The following USH2A variants were observed in gnomAD, a reference collection of about 807,000 sequenced individuals.
USH2A encodes the protein usherin.
A neutral mutation model predicts 538.9 loss-of-function variants in USH2A; 443 were observed. The ratio of observed to expected loss-of-function variants is 0.82; its 90% confidence interval spans 0.76 to 0.89. The LOEUF is 0.89. USH2A is among the 40% of genes least tolerant of loss of function. The pLI is 0.00. For synonymous variants in USH2A, 2,413 were observed against 2,273.5 expected (o/e 1.06, Z -1.75); for missense variants, 6,633 against 6,324.8 (o/e 1.05, Z -1.65).
chr1:215,751,439 T>C (rs1442159989), intron 58 of USH2A, among the ~76,000 whole-genome samples: 1 of 152,100 alleles, frequency 6.6e-6, no homozygotes, highest in Non-Finnish European at 1.5e-5. Flanking sequence ...GCATTGTTAA[T>C]TAGAACATGA....
Position 215,683,216 on chromosome 1 carries a change from T to TACACACAC in USH2A, c.12067-2848_12067-2841dup, listed in dbSNP as rs71167830. Among the ~76,000 whole-genome samples, 118 of 149,686 alleles carry TACACACAC rather than the reference T, an allele frequency of 7.9e-4. 1 individual carries two copies. The highest frequency in any genetic ancestry group is 2.8e-3 in the African/African-American group (112 of 40,374). ...ACTTTGTTATTCCTGAATAGTTTTA[T>TACACACAC]ACACACACACACACACACACACACA... On this transcript the variant is annotated intron_variant, in intron 61 of 71. Transcript: ENST00000307340.
chr1:215,991,174 A>C (rs985434622), intron 35 of USH2A, among the ~76,000 whole-genome samples: 1 of 151,910 alleles, frequency 6.6e-6, no homozygotes, highest in East Asian at 1.9e-4. Context: ...GGCCTATTTG[A>C]CTCCACCCAT....
At chr1:215,705,969 C>A (rs1262638074) in intron 61 of USH2A, among the ~76,000 whole-genome samples, 1 of 152,170 alleles carries the variant, frequency 6.6e-6, no homozygotes, top group Non-Finnish European at 1.5e-5. Flanking sequence ...AGGATGATAA[C>A]AATGAGTGCT....
At chr1:215,697,007 C>CAGTG (rs1658834045) in intron 61 of USH2A, among the ~76,000 whole-genome samples, 1 of 151,902 alleles carries the variant, frequency 6.6e-6, no homozygotes, top group Non-Finnish European at 1.5e-5. Context: ...GGCTGGGGTG[C>CAGTG]AGTGGCATGA....
intron 36 of USH2A, among the ~76,000 whole-genome samples, chr1:215,966,194 C>G (rs1003970339): frequency 3.3e-5 from 5 of 152,030 alleles, no homozygotes; most frequent in African/African-American, 1.2e-4. Flanking sequence ...AAATAAAATG[C>G]AATCCCTAGC....
At chr1:216,310,624 G>C (rs2037402848) in intron 9 of USH2A, among the ~76,000 whole-genome samples, 1 of 152,072 alleles carries the variant, frequency 6.6e-6, no homozygotes, top group African/African-American at 2.4e-5. Flanking sequence ...CTGATGGTGA[G>C]AGCTACTAGT....
intron 41 of USH2A, among the ~76,000 whole-genome samples, chr1:215,886,174 C>T (rs1281554453): frequency 2.0e-5 from 3 of 152,142 alleles, no homozygotes; most frequent in Non-Finnish European, 4.4e-5. Flanking sequence ...TGGAACAACC[C>T]TCTATGATAA....
intron 21 of USH2A, among the ~76,000 whole-genome samples, chr1:216,122,865 T>C (rs988449465): frequency 6.6e-6 from 1 of 152,176 alleles, no homozygotes; most frequent in Non-Finnish European, 1.5e-5. Flanking sequence ...ACAATTAAAC[T>C]ATAGAAAATT....
chr1:216,016,270 C>A (rs930960842), intron 32 of USH2A, among the ~76,000 whole-genome samples: 2 of 151,968 alleles, frequency 1.3e-5, no homozygotes, highest in African/African-American at 4.8e-5. Flanking sequence ...TGCATCACAC[C>A]AACATGGCAC....
rs770929980 is a variant in USH2A at position 216,200,051 on chromosome 1, A to T, written c.3387T>A (p.Asn1129Lys). Residue 1129 changes from asparagine to lysine, a missense_variant, in exon 17 of 72, where the codon AAT (asparagine) becomes AAA (lysine). Asn to Lys is a moderately conservative substitution (Grantham distance 94). Coordinates refer to ENST00000307340, the MANE Select transcript of USH2A (RefSeq NM_206933.4). The part of the protein sequence containing the change: ...TKYSYYIETT[N>K]VHGSTRSVAV... ...CTACACTCCTTGTTGAACCATGCACATTGGTGGTCTCAATGTAATAGGAAT... is the reference window on the plus strand; with the variant it reads ...CTACACTCCTTGTTGAACCATGCACTTTGGTGGTCTCAATGTAATAGGAAT... 6.8e-6 allele frequency: 11 copies of T among 1,613,846 alleles called. No individual in the cohort carries two copies. The highest frequency in any genetic ancestry group is 9.3e-6 in the Non-Finnish European group (11 of 1,179,930).
At chr1:215,785,783 T>C (rs753364395) in intron 52 of USH2A, among the ~76,000 whole-genome samples, 21 of 152,166 alleles carry the variant, frequency 1.4e-4, no homozygotes, top group Non-Finnish European at 2.1e-4. Flanking sequence ...CTTTCTGCAC[T>C]CTTGAGGTTA....
rs968056076 is a variant in USH2A, at chr1:216,366,731, C to A, written c.652-1646G>T. Among the ~76,000 whole-genome samples the A allele has an allele frequency of 3.3e-5, 5 of 152,152 alleles. 1 individual carries two copies. The highest frequency in any genetic ancestry group is 3.3e-4 in the Admixed American group (5 of 15,276). On this transcript the variant is annotated intron_variant, in intron 3 of 71. Transcript: ENST00000307340. ...ACCCTACTTTCATTTAAACTATGTT[C>A]TTTCTTAAATCCATTGATCTAGTGT...
rs529965655 is a variant in USH2A at position 215,706,290 on chromosome 1, T to C, written c.12066+21740A>G. On this transcript the variant is annotated intron_variant, in intron 61 of 71. Transcript: ENST00000307340. ...GCTATTTCTTCATACAGATAGCTTCTTACATCTTCCTTTCAGGGAACTAAG... is the reference window on the plus strand; with the variant it reads ...GCTATTTCTTCATACAGATAGCTTCCTACATCTTCCTTTCAGGGAACTAAG... Among the ~76,000 whole-genome samples, 13 of 152,334 alleles carry C rather than the reference T, an allele frequency of 8.5e-5. No individual in the cohort carries two copies. In the South Asian group the frequency reaches 2.1e-3, roughly 24 times the overall value.
chr1:215,776,032 G>T (rs769816207), intron 55 of USH2A, among the ~76,000 whole-genome samples: 3 of 151,896 alleles, frequency 2.0e-5, no homozygotes, highest in Non-Finnish European at 4.4e-5. Flanking sequence ...TTTTCTCAGT[G>T]GCCTTAATTA....
At position 215,671,219 on chromosome 1, in the gene USH2A, T is replaced by C. The variant is rs1414985004; in HGVS notation, c.13886A>G (p.Glu4629Gly). The C allele has an allele frequency of 1.2e-6, 2 of 1,614,170 alleles. No individual in the cohort carries two copies. The highest frequency in any genetic ancestry group is 3.3e-5 in the Admixed American group (2 of 60,022). Residue 4629 changes from glutamate (E) to glycine (G), a missense_variant, in exon 64 of 72, where the codon GAG becomes GGG. Coordinates refer to ENST00000307340, the MANE Select transcript of USH2A (RefSeq NM_206933.4). Reference protein sequence around the residue: ...SSDWTFIQTPEIAPLMQPPPH... With the variant: ...SSDWTFIQTPGIAPLMQPPPH... ...AGGGGGTTGCATCAAAGGTGCAATC[T>C]CAGGGGTCTGTATGAATGTCCAGTC... is the stretch of plus-strand genomic sequence containing the variant.
At chr1:215,715,031 G>T (rs1659445429) in intron 61 of USH2A, among the ~76,000 whole-genome samples, 1 of 152,138 alleles carries the variant, frequency 6.6e-6, no homozygotes, top group African/African-American at 2.4e-5. Flanking sequence ...GGATGTGCAG[G>T]TTTGTTACAT....
chr1:215,728,063 A>G lies in USH2A; in HGVS notation c.12033T>C (p.Phe4011=), dbSNP rs759458250. 8.7e-6 allele frequency: 14 copies of G among 1,614,066 alleles called. No homozygotes were observed. Among genetic ancestry groups the G allele is most frequent in the Admixed American group, 1.7e-5 (1 of 60,006 alleles). Reference sequence around the variant, plus strand: ...TGAAAGCATGCACGGTAGGGCTGTTAAATGTAGGATCGTCGGGTCTCTCCT... The same window carrying G: ...TGAAAGCATGCACGGTAGGGCTGTTGAATGTAGGATCGTCGGGTCTCTCCT... ...VYQERPDDPT[F]NSPTVHAFTV... The change falls in exon 61 of 72, where the codon TTT becomes TTC. Residue 4011 remains phenylalanine, a synonymous_variant. Transcript: ENST00000307340.
intron 4 of USH2A, among the ~76,000 whole-genome samples, chr1:216,346,677 A>T (rs1250956880): frequency 6.6e-6 from 1 of 151,324 alleles, no homozygotes; most frequent in East Asian, 1.9e-4. Flanking sequence ...TGGGATCCAG[A>T]ATCTGCTATT....
In USH2A at chr1:215,807,307, A is replaced by G. The variant is rs181774766; in HGVS notation, c.9739+6429T>C. Among the ~76,000 whole-genome samples, 599 of 152,264 alleles carry G rather than the reference A, an allele frequency of 3.9e-3. 4 individuals carry two copies. Among genetic ancestry groups the G allele is most frequent in the Middle Eastern group, 6.8e-3 (2 of 294 alleles). On this transcript the variant is annotated intron_variant, in intron 49 of 71. Coordinates refer to ENST00000307340, the MANE Select transcript of USH2A (RefSeq NM_206933.4). ...TTTTGATATTTGGATGTATAAAGTA[A>G]GTTTGTGTGGTTTTAAGCCACGAAG...
Sources: allele counts gnomAD v4.1 joint callset (sites outside exome capture counted in the v4.1 genomes callset), GRCh38; gene constraint gnomAD v4.1.1; transcripts MANE v1.5; gene names NCBI Gene and HGNC (gene_info 2026-07-23, HGNC 2026-07-21).